The following VPS33B variants were observed in gnomAD, a reference collection of about 807,000 sequenced individuals.
VPS33B encodes vacuolar protein sorting-associated protein 33B.
A neutral mutation model predicts 95.3 loss-of-function variants in VPS33B; 80 were observed. That is an observed-to-expected ratio of 0.84 (90% CI 0.70 to 1.01). VPS33B has a LOEUF of 1.01. Ranked by LOEUF, VPS33B falls within the 50% of genes least tolerant of loss-of-function variation. The pLI is 0.00. For synonymous variants in VPS33B, 280 were observed against 280.4 expected (o/e 1.00, Z 0.01); for missense variants, 715 against 773.4 (o/e 0.92, Z 0.90).
At position 90,999,865 on chromosome 15, in the gene VPS33B, C is replaced by T; in HGVS notation, c.1657+35G>A. On this transcript the variant is annotated intron_variant, in intron 21 of 22. Transcript: ENST00000333371. This position sits in a 1 kb window ranked among gnomAD's most constrained non-coding sequence, Gnocchi z 5.1. ...TGAGTGGTGCATCCAGCCCACCTCT[C>T]ACTGCCAGCCTACCCCACTGTTAAT... 6.2e-7 allele frequency: 1 copy of T among 1,614,162 alleles called. No homozygotes were observed.
chr15:91,017,643 A>G (rs2040980897), intron 2 of VPS33B, among the ~76,000 whole-genome samples, 162 bp downstream of exon 2: 1 of 151,868 alleles, frequency 6.6e-6, no homozygotes, highest in African/African-American at 2.4e-5. Context: ...GCAAAAAAAC[A>G]CAAAACAAAA....
chr15:91,021,363 T>C (rs1255998645), intron 1 of VPS33B, among the ~76,000 whole-genome samples: 2 of 152,220 alleles, frequency 1.3e-5, no homozygotes, highest in African/African-American at 4.8e-5. Flanking sequence ...TCCTTCAACA[T>C]TTATAACCAA....
rs377754864 is a variant in VPS33B, at chr15:91,006,988, C to T, written c.662G>A (p.Arg221Gln). The change falls in exon 9 of 23, where the codon CGA (arginine) becomes CAA (glutamine). Residue 221 changes from arginine to glutamine, a missense_variant. Arg to Gln is a conservative substitution (Grantham distance 43). Coordinates refer to ENST00000333371, the MANE Select transcript of VPS33B (RefSeq NM_018668.5). This position sits in a 1 kb window ranked among gnomAD's most constrained non-coding sequence, Gnocchi z 5.4. ...AAAGATATGTCCAATCTCTGGCCTT[C>T]GGCCCTTGGTTTCGCCATCCTCCTC... The part of the protein sequence containing the change: ...EEEEDGETKG[R>Q]RPEIGHIFLL... 30 of 1,613,946 alleles carry T rather than the reference C, an allele frequency of 1.9e-5. No homozygotes were observed. Among genetic ancestry groups the T allele is most frequent in the Middle Eastern group, 3.3e-4 (2 of 6,084 alleles).
rs2040460274 is a variant in VPS33B at position 91,002,236 on chromosome 15, T to G, written c.1273-54A>C. The G allele has an allele frequency of 6.2e-7, 1 of 1,604,352 alleles. No individual in the cohort carries two copies. The highest frequency in any genetic ancestry group is 1.1e-5 in the South Asian group (1 of 90,104). The stretch of plus-strand genomic sequence containing the variant: ...TGAGTGTCCAAAGAGCATCTAGTAC[T>G]GTCAGGTACTACAGAGTTGAGCAGA... On this transcript the variant is annotated intron_variant, in intron 17 of 22. Coordinates refer to ENST00000333371, the MANE Select transcript of VPS33B (RefSeq NM_018668.5). The surrounding 1 kb of genome is among the most constrained non-coding windows in gnomAD (Gnocchi z 4.7).
chr15:91,019,049 A>G (rs11073966), intron 1 of VPS33B, among the ~76,000 whole-genome samples: 82,344 of 147,726 alleles, frequency 0.56, 25,669 homozygotes, highest in East Asian at 0.99. Flanking sequence ...TCCTGACCTC[A>G]TGATCCACCT....
At chr15:91,019,638 G>A (rs1263488788) in intron 1 of VPS33B, among the ~76,000 whole-genome samples, 1 of 152,064 alleles carries the variant, frequency 6.6e-6, no homozygotes, top group Non-Finnish European at 1.5e-5. Context: ...CCAATCAGCT[G>A]GAAATGTTAG....
rs145759754 is a variant in VPS33B, at chr15:90,998,978, G to A, written c.1851C>T (p.Ala617=). 10 of 1,613,980 alleles carry A rather than the reference G, an allele frequency of 6.2e-6. No individual in the cohort carries two copies. The African/African-American group carries it at 1.3e-4, about 22-fold the overall frequency. Residue 617 remains alanine, a synonymous_variant, in exon 23 of 23, where the codon GCC becomes GCT. Coordinates refer to ENST00000333371, the MANE Select transcript of VPS33B (RefSeq NM_018668.5). This position sits in a 1 kb window ranked among gnomAD's most constrained non-coding sequence, Gnocchi z 4.8. ...RLMEAMSEVK[A] ...TCAACACTGGCCGGGAAAAACATCA[G>A]GCTTTCACCTCACTCATGGCCTCCA... is the stretch of plus-strand genomic sequence containing the variant.
At position 91,013,806 on chromosome 15, in the gene VPS33B, T is replaced by C; in HGVS notation, c.355A>G (p.Lys119Glu). The change falls in exon 5 of 23, where the codon AAG (lysine) becomes GAG (glutamate). Residue 119 changes from lysine to glutamate, a missense_variant and splice_region_variant. Coordinates refer to ENST00000333371, the MANE Select transcript of VPS33B (RefSeq NM_018668.5). The surrounding 1 kb of genome is among the most constrained non-coding windows in gnomAD (Gnocchi z 4.5). ...RKYKVIFSPQKFYACEMVLEE... is the reference protein window; with the variant it reads ...RKYKVIFSPQEFYACEMVLEE... ...CTTCCTCCAGGATCCAAACTCACCT[T>C]TTGAGGGCTGAAGATCACTTTGTAT... 6.2e-7 allele frequency: 1 copy of C among 1,614,116 alleles called. No homozygotes were observed. Among genetic ancestry groups the C allele is most frequent in the Non-Finnish European group, 8.5e-7 (1 of 1,179,996 alleles).
Position 91,009,760 on chromosome 15 carries a change from A to G in VPS33B, c.403+41T>C, listed in dbSNP as rs755067921. 2.5e-5 allele frequency: 41 copies of G among 1,610,976 alleles called. No homozygotes were observed. The East Asian group carries it at 8.9e-4, about 35-fold the overall frequency. ...GAACAACAACAGTTTTTTCTTCTGTATGTTCTCTTTCCCTTTCCACTCACA... is the reference window on the plus strand; with the variant it reads ...GAACAACAACAGTTTTTTCTTCTGTGTGTTCTCTTTCCCTTTCCACTCACA... On this transcript the variant is annotated intron_variant, in intron 6 of 22. Transcript: ENST00000333371. The surrounding 1 kb of genome is among the most constrained non-coding windows in gnomAD (Gnocchi z 4.1).
rs115781723 is a variant in VPS33B at position 91,011,829 on chromosome 15, A to C, written c.357+1975T>G. 2.0e-5 allele frequency among the ~76,000 whole-genome samples: 3 copies of C among 152,104 alleles called. No individual in the cohort carries two copies. Among genetic ancestry groups the C allele is most frequent in the Admixed American group, 6.6e-5 (1 of 15,264 alleles). On this transcript the variant is annotated intron_variant, in intron 5 of 22. Coordinates refer to ENST00000333371, the MANE Select transcript of VPS33B (RefSeq NM_018668.5). The surrounding 1 kb of genome is among the most constrained non-coding windows in gnomAD (Gnocchi z 5.5). ...ATGGCAAAACCCCACCTCTTTTAAA[A>C]ATATAAAAAATTAGCCACGCACGGT...
intron 2 of VPS33B, among the ~76,000 whole-genome samples, chr15:91,017,365 T>TTAAA (rs1555460460): frequency 5.3e-4 from 9 of 16,996 alleles, no homozygotes; most frequent in African/African-American, 3.9e-3. Context: ...TCTACAAAAT[T>TTAAA]AAATATATAT....
rs1009239075 is a variant in VPS33B at position 91,013,200 on chromosome 15, G to A, written c.357+604C>T. ...AAGCTTTTCATTTAAAAAAATCTAC[G>A]TAGAGGCCTCTTCGCACAATTCCAC... On this transcript the variant is annotated intron_variant, in intron 5 of 22. Coordinates refer to ENST00000333371, the MANE Select transcript of VPS33B (RefSeq NM_018668.5). This position sits in a 1 kb window ranked among gnomAD's most constrained non-coding sequence, Gnocchi z 4.5. Among the ~76,000 whole-genome samples the A allele has an allele frequency of 5.9e-5, 9 of 152,190 alleles. No individual in the cohort carries two copies. The highest frequency in any genetic ancestry group is 2.2e-4 in the African/African-American group (9 of 41,448).
rs141254221 is a variant in VPS33B at position 91,009,479 on chromosome 15, G to T, written c.403+322C>A. ...GCGCCATCACGCCCAGCTAATTATT[G>T]TATTTTTAGTAGAGATGGGGTTTCA... On this transcript the variant is annotated intron_variant, in intron 6 of 22. Coordinates refer to ENST00000333371, the MANE Select transcript of VPS33B (RefSeq NM_018668.5). This position sits in a 1 kb window ranked among gnomAD's most constrained non-coding sequence, Gnocchi z 4.1. Among the ~76,000 whole-genome samples the T allele has an allele frequency of 6.6e-6, 1 of 151,914 alleles. No individual in the cohort carries two copies. The highest frequency in any genetic ancestry group is 1.5e-5 in the Non-Finnish European group (1 of 67,984).
intron 18 of VPS33B, 100 bp downstream of exon 18, chr15:91,001,950 G>C: frequency 1.3e-6 from 2 of 1,586,056 alleles, no homozygotes; most frequent in Non-Finnish European, 1.7e-6. Flanking sequence ...GAAGGAATCA[G>C]TCCACCTTCT....
chr15:91,020,860 A>C (rs1352937036), intron 1 of VPS33B, among the ~76,000 whole-genome samples: 1 of 152,228 alleles, frequency 6.6e-6, no homozygotes, highest in African/African-American at 2.4e-5. Flanking sequence ...CAGCCTGGGC[A>C]ACGGAGTGAG....
rs2040969193 is a variant in VPS33B, at chr15:91,017,393, T to TATAC, written c.178-370_178-369insGTAT. On this transcript the variant is annotated intron_variant, in intron 2 of 22. Coordinates refer to ENST00000333371, the MANE Select transcript of VPS33B (RefSeq NM_018668.5). ...ATATATATATATATATATATATATA[T>TATAC]ATATATATATATATATATATATATA... is the stretch of plus-strand genomic sequence containing the variant. 3.4e-5 allele frequency among the ~76,000 whole-genome samples: 2 copies of TATAC among 58,266 alleles called. 1 individual carries two copies. Among genetic ancestry groups the TATAC allele is most frequent in the Non-Finnish European group, 5.9e-5 (2 of 33,806 alleles). The allele number at this position is 58,266 out of a possible 152,430, so 38.2% of individuals were successfully genotyped here. A position where few individuals can be genotyped will look rare whatever the true frequency, so the allele number is the denominator to read the frequency against.
At chr15:91,004,806 A>G (rs2040550938) in intron 16 of VPS33B, 71 bp downstream of exon 16, 2 of 1,572,006 alleles carry the variant, frequency 1.3e-6, no homozygotes, top group Admixed American at 1.7e-5. Flanking sequence ...TAGCCTTTCA[A>G]AATCACTTCT....
intron 16 of VPS33B, 24 bp from the exon 17 acceptor site, chr15:91,003,155 G>A: frequency 6.2e-7 from 1 of 1,613,964 alleles, no homozygotes; most frequent in Non-Finnish European, 8.5e-7. Context: ...AAATAAGACA[G>A]GTGCATGAGA....
Position 91,005,215 on chromosome 15 carries a change from C to T in VPS33B, c.1106-96G>A, listed in dbSNP as rs1307510465. On this transcript the variant is annotated intron_variant, in intron 14 of 22. Coordinates refer to ENST00000333371, the MANE Select transcript of VPS33B (RefSeq NM_018668.5). This position sits in a 1 kb window ranked among gnomAD's most constrained non-coding sequence, Gnocchi z 6.4. ...CTGTCTCCCCATCTCTTTCTCCATC[C>T]TTGGGGTGGGTTAAGGGACCCCCAG... 2 of 1,612,282 alleles carry T rather than the reference C, an allele frequency of 1.2e-6. No individual in the cohort carries two copies. The highest frequency in any genetic ancestry group is 2.2e-5 in the East Asian group (1 of 44,864).
Sources: gnomAD v4.1 joint callset for allele counts (sites outside exome capture counted in the v4.1 genomes callset) on GRCh38, gnomAD v4.1.1 for gene constraint, Gnocchi (gnomAD v3.1) non-coding constraint, MANE v1.5 for transcripts, NCBI Gene and HGNC (gene_info 2026-07-23, HGNC 2026-07-21) for gene names.